The following PTPRQ variants were observed in gnomAD, a reference collection of about 807,000 sequenced individuals.
PTPRQ encodes the protein protein tyrosine phosphatase receptor type Q, also known as phosphatidylinositol phosphatase PTPRQ.
Under a neutral mutation model 246.0 loss-of-function variants are expected in PTPRQ, and 199 were observed. The ratio of observed to expected loss-of-function variants is 0.81; its 90% CI spans 0.72 to 0.91. The LOEUF (loss-of-function observed/expected upper bound fraction) is 0.91, where lower values mean the gene tolerates loss of function less well. PTPRQ is among the 40% of genes least tolerant of loss of function. The probability of loss-of-function intolerance (pLI) is 0.00; values close to 1 mark genes in which losing one functional copy is unlikely to be tolerated. For synonymous variants in PTPRQ, 869 were observed against 853.2 expected (o/e 1.02, Z -0.32); for missense variants, 2,624 against 2,528.4 (o/e 1.04, Z -0.81).
chr12:80,620,174 A>G lies in PTPRQ; in HGVS notation c.5410A>G (p.Thr1804Ala). Residue 1804 changes from threonine (T) to alanine (A), a missense_variant, in exon 32 of 45, where the codon ACA (threonine) becomes GCA (alanine). By Grantham distance (58) the Thr-to-Ala change is moderately conservative (BLOSUM62 0). Transcript: ENST00000644991. ...AACAGCTCAGCATGATGGAAATGTA[A>G]CAAAGTGGTATGATGCATATTTTAA... ...ETGAQHDGNV[T>A]KWYDAYFNKA... is the part of the protein sequence containing the mutation. The G allele has an allele frequency of 1.0e-5, 16 of 1,546,664 alleles. No homozygotes were observed. The highest frequency in any genetic ancestry group is 1.3e-5 in the Non-Finnish European group (15 of 1,144,288).
At position 80,613,697 on chromosome 12, in the gene PTPRQ, A is replaced by C; in HGVS notation, c.5024A>C (p.Gln1675Pro). 6.5e-7 allele frequency: 1 copy of C among 1,546,350 alleles called. No homozygotes were observed. Among genetic ancestry groups the C allele is most frequent in the Non-Finnish European group, 8.7e-7 (1 of 1,143,328 alleles). Residue 1675 changes from glutamine to proline, a missense_variant, in exon 29 of 45, where the codon CAA becomes CCA. Physicochemically the swap from Gln to Pro is moderately conservative, Grantham distance 76 (BLOSUM62 -1). Transcript: ENST00000644991. Reference sequence around the variant, plus strand: ...CCTTCTCAACCTAATGGAAATATCCAAGTATATCAAGCTCTGGTTTACCGA... The same window carrying C: ...CCTTCTCAACCTAATGGAAATATCCCAGTATATCAAGCTCTGGTTTACCGA... The part of the protein sequence containing the change: ...LPPSQPNGNI[Q>P]VYQALVYRED...
chr12:80,526,241 A>G (rs1895682565), intron 17 of PTPRQ, among the ~76,000 whole-genome samples: 1 of 152,182 alleles, frequency 6.6e-6, no homozygotes, highest in Non-Finnish European at 1.5e-5. Context: ...GCAGGTGTTT[A>G]CAGAAAGGAA....
intron 38 of PTPRQ, among the ~76,000 whole-genome samples, chr12:80,655,845 AGTAAT>A (rs1264715104): frequency 9.2e-5 from 14 of 152,176 alleles, no homozygotes; most frequent in Non-Finnish European, 1.8e-4. Flanking sequence ...CTCTCCCCTG[AGTAAT>A]GTAAGAAGCA....
chr12:80,620,326 C>A lies in PTPRQ; in HGVS notation c.5562C>A (p.Gly1854=), dbSNP rs1898932249. 1.3e-6 allele frequency: 2 copies of A among 1,549,220 alleles called. No individual in the cohort carries two copies. The highest frequency in any genetic ancestry group is 1.7e-6 in the Non-Finnish European group (2 of 1,145,418). The change falls in exon 32 of 45, where the codon GGC becomes GGA. Residue 1854 remains glycine, a synonymous_variant. Coordinates refer to ENST00000644991, the MANE Select transcript of PTPRQ (RefSeq NM_001145026.2). ...CTGATAATGCATGCATGATTCCTGG[C>A]AATGAAGACAAAATTTGCAATGGAC... ...IGADNACMIP[G]NEDKICNGPL...
At chr12:80,568,213 A>T (rs1297384715) in intron 25 of PTPRQ, among the ~76,000 whole-genome samples, 1 of 152,240 alleles carries the variant, frequency 6.6e-6, no homozygotes, top group Non-Finnish European at 1.5e-5. Context: ...AAAACAAAAA[A>T]TTATTTAGTA....
At chr12:80,650,551 G>A (rs1163025) in intron 37 of PTPRQ, among the ~76,000 whole-genome samples, 15,799 of 151,736 alleles carry the variant, frequency 0.1, 1,237 homozygotes, top group African/African-American at 0.21. Flanking sequence ...AAACAATTGG[G>A]TTAAATAATT....
chr12:80,462,060 G>T, intron 6 of PTPRQ: 1 of 695,456 alleles, frequency 1.4e-6, no homozygotes, highest in Non-Finnish European at 2.6e-6. Context: ...GCAGGGCGAG[G>T]CATTGCCTCA....
chr12:80,450,545 A>G (rs1892724146), intron 3 of PTPRQ, among the ~76,000 whole-genome samples: 1 of 152,068 alleles, frequency 6.6e-6, no homozygotes. Context: ...ATTTTGAGAT[A>G]CGTCCCATCA....
intron 12 of PTPRQ, 24 bp downstream of exon 12, chr12:80,495,395 G>GTTA (rs2120653146): frequency 6.7e-7 from 1 of 1,490,556 alleles, no homozygotes; most frequent in Non-Finnish European, 8.9e-7. Flanking sequence ...TTTTGTTGTT[G>GTTA]TTGTTGTTGT....
chr12:80,617,300 T>TA (rs1421445261), intron 30 of PTPRQ, among the ~76,000 whole-genome samples: 1 of 151,336 alleles, frequency 6.6e-6, no homozygotes, highest in African/African-American at 2.4e-5. Flanking sequence ...CATGTACTAT[T>TA]AAGAATAAAA....
intron 14 of PTPRQ, among the ~76,000 whole-genome samples, chr12:80,503,528 T>C (rs944510532): frequency 9.2e-5 from 14 of 151,970 alleles, no homozygotes; most frequent in African/African-American, 3.1e-4. Context: ...CTACTAAATT[T>C]ATTATTAGTA....
intron 17 of PTPRQ, among the ~76,000 whole-genome samples, chr12:80,514,573 AATAT>A (rs1300558988): frequency 7.0e-6 from 1 of 143,640 alleles, no homozygotes; most frequent in African/African-American, 2.5e-5. Flanking sequence ...ATATTATACA[AATAT>A]ATATATTATA....
intron 39 of PTPRQ, among the ~76,000 whole-genome samples, chr12:80,665,005 A>G (rs1900741085): frequency 6.6e-6 from 1 of 152,110 alleles, no homozygotes; most frequent in South Asian, 2.1e-4. Context: ...GCGTTTATTA[A>G]GGAGTGTTGA....
rs756585746 is a variant in PTPRQ at position 80,622,148 on chromosome 12, G to A, written c.5686+14G>A. On this transcript the variant is annotated intron_variant, in intron 33 of 44. Coordinates refer to ENST00000644991, the MANE Select transcript of PTPRQ (RefSeq NM_001145026.2). Reference sequence around the variant, plus strand: ...TTAAGACTTTAGGTAAGACATTTTTGTAATTCATTTATAATCTCAACATAT... The same window carrying A: ...TTAAGACTTTAGGTAAGACATTTTTATAATTCATTTATAATCTCAACATAT... The A allele has an allele frequency of 1.4e-6, 2 of 1,390,650 alleles. No individual in the cohort carries two copies. Among genetic ancestry groups the A allele is most frequent in the Non-Finnish European group, 1.9e-6 (2 of 1,059,916 alleles). The allele number at this position is 1,390,650 out of a possible 1,614,324, so 86.1% of individuals were successfully genotyped here.
intron 7 of PTPRQ, among the ~76,000 whole-genome samples, chr12:80,471,491 T>A (rs940877163): frequency 2.5e-5 from 1 of 39,928 alleles, no homozygotes; most frequent in Non-Finnish European, 5.8e-5. Flanking sequence ...TTTTTTTTTT[T>A]ATTTGAGACA....
In PTPRQ at chr12:80,636,301, A is replaced by C. The variant is rs964826119; in HGVS notation, c.5915+1228A>C. On this transcript the variant is annotated intron_variant, in intron 35 of 44. Coordinates refer to ENST00000644991, the MANE Select transcript of PTPRQ (RefSeq NM_001145026.2). ...GTTTTCTATATAAGAAATATTATGT[A>C]CAAAATATCAAATATGTAAAAAGAA... Among the ~76,000 whole-genome samples, 5 of 152,252 alleles carry C rather than the reference A, an allele frequency of 3.3e-5. No homozygotes were observed. The East Asian group carries it at 9.6e-4, about 29-fold the overall frequency.
chr12:80,630,394 G>T (rs761337730), intron 33 of PTPRQ, among the ~76,000 whole-genome samples: 25 of 151,856 alleles, frequency 1.6e-4, no homozygotes, highest in Non-Finnish European at 3.5e-4. Context: ...AAGATCTAAA[G>T]CTTTGAGTAT....
At chr12:80,664,559 TACATCATAAAAATA>T in intron 39 of PTPRQ, among the ~76,000 whole-genome samples, 1 of 152,042 alleles carries the variant, frequency 6.6e-6, no homozygotes, top group African/African-American at 2.4e-5. Flanking sequence ...TGTAATTTCT[TACATCATAAAAATA>T]TCTTGATATT....
intron 25 of PTPRQ, among the ~76,000 whole-genome samples, chr12:80,575,524 C>T (rs536169555): frequency 2.6e-5 from 4 of 152,128 alleles, no homozygotes; most frequent in African/African-American, 9.6e-5. Flanking sequence ...TAAGGTTACA[C>T]TGAGCTATGA....
Sources: gnomAD v4.1 joint callset for allele counts (sites outside exome capture counted in the v4.1 genomes callset) on GRCh38, gnomAD v4.1.1 for gene constraint, MANE v1.5 for transcripts, NCBI Gene and HGNC (gene_info 2026-07-23, HGNC 2026-07-21) for gene names.